CEACAM5: variants seen among roughly 807,000 people sequenced by gnomAD.
CEACAM5 encodes the protein CEA cell adhesion molecule 5, also known as cell adhesion molecule CEACAM5.
Under a neutral mutation model 63.0 loss-of-function variants are expected in CEACAM5, and 52 were observed. The ratio of observed to expected loss-of-function variants is 0.83; its 90% CI spans 0.66 to 1.04. The LOEUF is 1.04. Among genes scored for constraint, CEACAM5 ranks in the 50% least tolerant of loss-of-function variants. CEACAM5 has a pLI of 0.00. For synonymous variants in CEACAM5, 357 were observed against 351.3 expected, an observed-to-expected ratio of 1.02 and a Z score of -0.18; for missense variants, 790 against 864.8, an observed-to-expected ratio of 0.91 and a Z score of 1.08.
intron 8 of CEACAM5, among the ~76,000 whole-genome samples, chr19:41,725,326 T>C (rs975452430): frequency 3.9e-5 from 6 of 152,176 alleles, no homozygotes; most frequent in Admixed American, 3.9e-4. Flanking sequence ...TTCTGTAGAA[T>C]TTGTAGCATT....
At chr19:41,720,314 C>A in intron 7 of CEACAM5, 106 bp downstream of exon 7, 2 of 1,348,408 alleles carry the variant, frequency 1.5e-6, no homozygotes, top group African/African-American at 1.5e-5. Context: ...AGACTCCCAC[C>A]CCTGGACACC....
chr19:41,717,338 G>A (rs2072542601), intron 4 of CEACAM5, 117 bp from the exon 5 acceptor site: 1 of 1,106,172 alleles, frequency 9.0e-7, no homozygotes. Flanking sequence ...CACCTGCCAT[G>A]AGCTTTTAAG....
chr19:41,723,802 A>T (rs2072660469), intron 8 of CEACAM5, among the ~76,000 whole-genome samples: 1 of 152,004 alleles, frequency 6.6e-6, no homozygotes. Context: ...AAAAAAAATT[A>T]TCCAGGCGTG....
In CEACAM5 at chr19:41,708,735, G is replaced by T. The variant is rs781952967; in HGVS notation, c.4G>T (p.Glu2Ter). The T allele has an allele frequency of 1.2e-6, 2 of 1,610,628 alleles. No homozygotes were observed. Among genetic ancestry groups the T allele is most frequent in the East Asian group, 2.2e-5 (1 of 44,750 alleles). Residue 2 changes from glutamate to a stop codon, truncating the protein, a stop_gained, in exon 1 of 10, where the codon GAG becomes TAG. Transcript: ENST00000221992. LOFTEE classifies it high-confidence loss of function. ...GACAGAGCAGACAGCAGAGACCATG[G>T]AGTCTCCCTCGGCCCCTCCCCACAG... M[E>*]SPSAPPHRWC... is the part of the protein sequence containing the mutation.
In CEACAM5 at chr19:41,721,065, G is replaced by C; in HGVS notation, c.1915G>C (p.Val639Leu). 6.2e-7 allele frequency: 1 copy of C among 1,614,148 alleles called. No homozygotes were observed. Reference sequence around the variant, plus strand: ...TGGGATACCGCAGCAACACACACAAGTTCTCTTTATCGCCAAAATCACGCC... The same window carrying C: ...TGGGATACCGCAGCAACACACACAACTTCTCTTTATCGCCAAAATCACGCC... ...INGIPQQHTQVLFIAKITPNN... is the reference protein window; with the variant it reads ...INGIPQQHTQLLFIAKITPNN... Residue 639 changes from valine (V) to leucine (L), a missense_variant, in exon 8 of 10, where the codon GTT (valine) becomes CTT (leucine). By Grantham distance (32) the Val-to-Leu change is conservative (BLOSUM62 1). Coordinates refer to ENST00000221992, the MANE Select transcript of CEACAM5 (RefSeq NM_004363.6).
intron 8 of CEACAM5, among the ~76,000 whole-genome samples, chr19:41,724,070 C>A (rs1293766637): frequency 6.6e-6 from 1 of 150,772 alleles, no homozygotes; most frequent in Non-Finnish European, 1.5e-5. Context: ...AAGCTTTTTT[C>A]CCTATGTTTT....
chr19:41,723,187 C>T (rs1481120809), intron 8 of CEACAM5, among the ~76,000 whole-genome samples: 4 of 152,196 alleles, frequency 2.6e-5, no homozygotes, highest in African/African-American at 9.7e-5. Context: ...GCTGGGATTA[C>T]AGGCATGAGC....
intron 2 of CEACAM5, among the ~76,000 whole-genome samples, chr19:41,711,342 G>A (rs782300863): frequency 2.6e-5 from 4 of 152,226 alleles, no homozygotes; most frequent in South Asian, 2.1e-4. Context: ...AAAGGACTTC[G>A]CTTTCTCTCC....
intron 8 of CEACAM5, among the ~76,000 whole-genome samples, chr19:41,726,602 G>A (rs557660932): frequency 6.6e-6 from 1 of 152,344 alleles, no homozygotes; most frequent in African/African-American, 2.4e-5. Flanking sequence ...GTAGAAGTGG[G>A]AGGAGCCTGA....
In CEACAM5 at chr19:41,718,293, C is replaced by T. The variant is rs782648704; in HGVS notation, c.1403C>T (p.Thr468Ile). 6.2e-7 allele frequency: 1 copy of T among 1,614,066 alleles called. No homozygotes were observed. The highest frequency in any genetic ancestry group is 1.3e-5 in the African/African-American group (1 of 74,912). ...CAAGAGCTCTTTATCTCCAACATCA[C>T]TGAGAAGAACAGCGGACTCTATACC... is the stretch of plus-strand genomic sequence containing the variant. ...HTQELFISNI[T>I]EKNSGLYTCQ... The change falls in exon 6 of 10, where the codon ACT (threonine) becomes ATT (isoleucine). Residue 468 changes from threonine to isoleucine, a missense_variant. Physicochemically the swap from Thr to Ile is moderately conservative, Grantham distance 89. Coordinates refer to ENST00000221992, the MANE Select transcript of CEACAM5 (RefSeq NM_004363.6).
At chr19:41,716,572 G>A (rs782375020) in intron 4 of CEACAM5, among the ~76,000 whole-genome samples, 5 of 152,208 alleles carry the variant, frequency 3.3e-5, no homozygotes, top group Non-Finnish European at 7.3e-5. Flanking sequence ...AGACTCCTGA[G>A]CTGCGTCCTG....
chr19:41,718,167 A>C lies in CEACAM5; in HGVS notation c.1277A>C (p.Tyr426Ser). Residue 426 changes from tyrosine to serine, a missense_variant, in exon 6 of 10, where the codon TAT becomes TCT. By Grantham distance (144) the Tyr-to-Ser change is moderately radical. Transcript: ENST00000221992. ...CCCACCATTTCCCCCTCATACACCT[A>C]TTACCGTCCAGGGGTGAACCTCAGC... ...DDPTISPSYT[Y>S]YRPGVNLSLS... 2 of 1,613,930 alleles carry C rather than the reference A, an allele frequency of 1.2e-6. No homozygotes were observed. Among genetic ancestry groups the C allele is most frequent in the South Asian group, 2.2e-5 (2 of 91,058 alleles).
chr19:41,718,679 G>C (rs1439194574), intron 6 of CEACAM5, among the ~76,000 whole-genome samples: 10 of 152,174 alleles, frequency 6.6e-5, no homozygotes, highest in African/African-American at 2.4e-4. Flanking sequence ...GGGTCCTCAA[G>C]GTCAAGTTGC....
chr19:41,715,666 C>T lies in CEACAM5; in HGVS notation c.720C>T (p.Pro240=). Residue 240 remains proline, a synonymous_variant, in exon 4 of 10, where the codon CCC becomes CCT. Coordinates refer to ENST00000221992, the MANE Select transcript of CEACAM5 (RefSeq NM_004363.6). ...ILNVLYGPDA[P]TISPLNTSYR... ...TTGCTCCAGATGGCCCGGATGCCCC[C>T]ACCATTTCCCCTCTAAACACATCTT... 6.2e-7 allele frequency: 1 copy of T among 1,614,216 alleles called. No homozygotes were observed.
At position 41,709,806 on chromosome 19, in the gene CEACAM5, G is replaced by T; in HGVS notation, c.191G>T (p.Gly64Val). The part of the protein sequence containing the change: ...LVHNLPQHLF[G>V]YSWYKGERVD... ...CACAATCTGCCCCAGCATCTTTTTG[G>T]CTACAGCTGGTACAAAGGTGAAAGA... is the stretch of plus-strand genomic sequence containing the variant. The change falls in exon 2 of 10, where the codon GGC (glycine) becomes GTC (valine). Residue 64 changes from glycine to valine, a missense_variant. Transcript: ENST00000221992. The T allele has an allele frequency of 1.2e-6, 2 of 1,614,072 alleles. No individual in the cohort carries two copies. Among genetic ancestry groups the T allele is most frequent in the Non-Finnish European group, 1.7e-6 (2 of 1,180,014 alleles).
chr19:41,714,624 T>C (rs1196760664), intron 2 of CEACAM5, among the ~76,000 whole-genome samples: 1 of 152,194 alleles, frequency 6.6e-6, no homozygotes, highest in Non-Finnish European at 1.5e-5. Context: ...ACTTGAATGT[T>C]CCAGGTGAGG....
In CEACAM5 at chr19:41,715,108, A is replaced by C; in HGVS notation, c.562A>C (p.Ser188Arg). 1 of 1,614,240 alleles carries C rather than the reference A, an allele frequency of 6.2e-7. No homozygotes were observed. The highest frequency in any genetic ancestry group is 8.5e-7 in the Non-Finnish European group (1 of 1,180,040). ...WWVNNQSLPV[S>R]PRLQLSNGNR... ...GGTAAACAATCAGAGCCTCCCGGTC[A>C]GTCCCAGGCTGCAGCTGTCCAATGG... is the stretch of plus-strand genomic sequence containing the variant. The change falls in exon 3 of 10, where the codon AGT becomes CGT. Residue 188 changes from serine (S) to arginine (R), a missense_variant. Transcript: ENST00000221992.
At chr19:41,711,048 G>T (rs1555813967) in intron 2 of CEACAM5, among the ~76,000 whole-genome samples, 1 of 152,010 alleles carries the variant, frequency 6.6e-6, no homozygotes, top group Non-Finnish European at 1.5e-5. Flanking sequence ...TCCTCAACTG[G>T]GGGTGGGTGG....
chr19:41,721,077 G>A lies in CEACAM5; in HGVS notation c.1927G>A (p.Ala643Thr), dbSNP rs782212015. Residue 643 changes from alanine (A) to threonine (T), a missense_variant, in exon 8 of 10, where the codon GCC (alanine) becomes ACC (threonine). By Grantham distance (58) the Ala-to-Thr change is moderately conservative. Coordinates refer to ENST00000221992, the MANE Select transcript of CEACAM5 (RefSeq NM_004363.6). ...GCAACACACACAAGTTCTCTTTATC[G>A]CCAAAATCACGCCAAATAATAACGG... The part of the protein sequence containing the change: ...PQQHTQVLFI[A>T]KITPNNNGTY... 18 of 1,613,978 alleles carry A rather than the reference G, an allele frequency of 1.1e-5. No individual in the cohort carries two copies. Among genetic ancestry groups the A allele is most frequent in the African/African-American group, 2.7e-5 (2 of 74,896 alleles).
Sources: allele counts gnomAD v4.1 joint callset (sites outside exome capture counted in the v4.1 genomes callset), GRCh38; gene constraint gnomAD v4.1.1; transcripts MANE v1.5; gene names NCBI Gene and HGNC (gene_info 2026-07-23, HGNC 2026-07-21).